FTCDNL1: variants seen among roughly 807,000 people sequenced by gnomAD.
FTCDNL1 encodes formiminotransferase N-terminal subdomain-containing protein.
Under a neutral mutation model 5.9 loss-of-function variants are expected in FTCDNL1, and 11 were observed. The ratio of observed to expected loss-of-function variants is 1.87; its 90% CI spans 1.18 to 3.10. The LOEUF (loss-of-function observed/expected upper bound fraction) is 3.10. Ranked by LOEUF, FTCDNL1 falls within the 30% of genes most tolerant of loss-of-function variation. The pLI is 0.00. For synonymous variants in FTCDNL1, 58 were observed against 24.8 expected (o/e 2.34, Z -3.99); for missense variants, 115 against 65.5 (o/e 1.76, Z -2.61).
At chr2:199,726,072 TTTTG>T in the FTCDNL1 span, among the ~76,000 whole-genome samples, 1 of 151,972 alleles carries the variant, frequency 6.6e-6, no homozygotes, top group Non-Finnish European at 1.5e-5. Flanking sequence ...TTCTCGGAGG[TTTTG>T]TTTGTTCCTT....
intron 3 of FTCDNL1, among the ~76,000 whole-genome samples, chr2:199,840,707 G>A (rs1342181378): frequency 6.6e-6 from 1 of 152,116 alleles, no homozygotes; most frequent in African/African-American, 2.4e-5. Context: ...AGGAGGTAAA[G>A]GGGGTTAGAT....
At chr2:199,827,443 T>C (rs901474107) in intron 3 of FTCDNL1, among the ~76,000 whole-genome samples, 20 of 152,114 alleles carry the variant, frequency 1.3e-4, no homozygotes, top group African/African-American at 4.8e-4. Context: ...AAAGAGATAT[T>C]TGCCTGGATT....
chr2:199,665,731 G>A, the FTCDNL1 span, among the ~76,000 whole-genome samples: 2 of 35,544 alleles, frequency 5.6e-5, no homozygotes, highest in Non-Finnish European at 1.4e-4. Flanking sequence ...AGGCCGAGGC[G>A]GGTGGATCGC....
Position 199,797,812 on chromosome 2 carries a change from G to A in FTCDNL1, c.212-36977C>T, listed in dbSNP as rs573223402. Among the ~76,000 whole-genome samples the A allele has an allele frequency of 3.9e-5, 6 of 152,318 alleles. No individual in the cohort carries two copies. The East Asian group carries it at 9.7e-4, about 25-fold the overall frequency. Reference sequence around the variant, plus strand: ...AGCTCAATTAACTGAATGAAGCCGGGAGAGAAAAGCTCCAATCTGGTAGCC... The same window carrying A: ...AGCTCAATTAACTGAATGAAGCCGGAAGAGAAAAGCTCCAATCTGGTAGCC... On this transcript the variant is annotated intron_variant, in intron 3 of 3. Transcript: ENST00000416668.
At position 199,809,724 on chromosome 2, in the gene FTCDNL1, T is replaced by C. The variant is rs1191080550; in HGVS notation, c.*2981A>G. Among the ~76,000 whole-genome samples, 1 of 152,182 alleles carries C rather than the reference T, an allele frequency of 6.6e-6. No homozygotes were observed. Among genetic ancestry groups the C allele is most frequent in the African/African-American group, 2.4e-5 (1 of 41,450 alleles). ...AATTCCAAAAGAATAAGTACTTCCTTGAAGTCATGCCCAACACCATCATGC... is the reference window on the plus strand; with the variant it reads ...AATTCCAAAAGAATAAGTACTTCCTCGAAGTCATGCCCAACACCATCATGC... On this transcript the variant is annotated 3_prime_UTR_variant, in exon 5 of 5. Coordinates refer to ENST00000420128, the MANE Select transcript of FTCDNL1 (RefSeq NM_001363886.2).
chr2:199,708,293 ATTCCTTTCCTCAC>A, the FTCDNL1 span, among the ~76,000 whole-genome samples: 3 of 152,008 alleles, frequency 2.0e-5, no homozygotes, highest in Non-Finnish European at 4.4e-5. Flanking sequence ...TATATCATCA[ATTCCTTTCCTCAC>A]CATGCATATT....
At chr2:199,777,119 C>T (rs1699129262) in intron 3 of FTCDNL1, among the ~76,000 whole-genome samples, 1 of 151,930 alleles carries the variant, frequency 6.6e-6, no homozygotes, top group East Asian at 2.0e-4. Context: ...ATGGCGAAAC[C>T]CCGTCTCCAC....
intron 3 of FTCDNL1, among the ~76,000 whole-genome samples, chr2:199,834,714 A>G (rs774724770): frequency 2.6e-4 from 39 of 152,164 alleles, no homozygotes; most frequent in Non-Finnish European, 4.6e-4. Flanking sequence ...GTGGGAAAGG[A>G]AGACGTGTAT....
intron 2 of FTCDNL1, among the ~76,000 whole-genome samples, chr2:199,846,878 C>T (rs1010862247): frequency 1.3e-5 from 2 of 152,104 alleles, no homozygotes; most frequent in Non-Finnish European, 1.5e-5. Flanking sequence ...CCCCCTTAAG[C>T]CTACAAAAGC....
chr2:199,850,299 C>T (rs555948946), intron 1 of FTCDNL1, among the ~76,000 whole-genome samples: 12 of 152,290 alleles, frequency 7.9e-5, no homozygotes, highest in African/African-American at 2.9e-4. Context: ...GGGGTGTGGG[C>T]GTCTTCTGGT....
At chr2:199,821,452 C>T (rs918719855) in intron 3 of FTCDNL1, among the ~76,000 whole-genome samples, 4 of 144,938 alleles carry the variant, frequency 2.8e-5, no homozygotes, top group African/African-American at 7.7e-5. Context: ...AAGCCACGTG[C>T]CCAGCCTGGT....
At chr2:199,746,179 T>C in the FTCDNL1 span, among the ~76,000 whole-genome samples, 3 of 152,226 alleles carry the variant, frequency 2.0e-5, no homozygotes, top group Admixed American at 1.3e-4. Flanking sequence ...CTCAAGGCTG[T>C]GGTTAATCAT....
the FTCDNL1 span, among the ~76,000 whole-genome samples, chr2:199,702,848 C>T: frequency 6.6e-6 from 1 of 152,186 alleles, no homozygotes. Flanking sequence ...AGGACGGGAG[C>T]CCTGAAAAGG....
the FTCDNL1 span, among the ~76,000 whole-genome samples, chr2:199,730,363 C>A: frequency 6.6e-6 from 1 of 152,136 alleles, no homozygotes. Flanking sequence ...AACTATAGAG[C>A]TTCTGCACAG....
At chr2:199,671,167 CAAA>C in the FTCDNL1 span, among the ~76,000 whole-genome samples, 23 of 136,074 alleles carry the variant, frequency 1.7e-4, no homozygotes, top group Admixed American at 2.2e-4. Flanking sequence ...AAATCCATGG[CAAA>C]AAAAAAAAAA....
the FTCDNL1 span, among the ~76,000 whole-genome samples, chr2:199,737,893 TA>T: frequency 1.3e-5 from 2 of 152,166 alleles, no homozygotes; most frequent in South Asian, 4.1e-4. Flanking sequence ...GCGTTTCAGT[TA>T]GAAGATATTT....
At chr2:199,775,475 G>A (rs758432132) in intron 3 of FTCDNL1, among the ~76,000 whole-genome samples, 3 of 152,140 alleles carry the variant, frequency 2.0e-5, no homozygotes, top group Admixed American at 6.5e-5. Flanking sequence ...AAGCAACTCC[G>A]TTAAGGCCAG....
intron 3 of FTCDNL1, among the ~76,000 whole-genome samples, chr2:199,769,993 A>T (rs950680430): frequency 6.6e-6 from 1 of 152,002 alleles, no homozygotes; most frequent in Admixed American, 6.6e-5. Flanking sequence ...TTTTCGTTCA[A>T]ATCTCATCCT....
intron 4 of FTCDNL1, among the ~76,000 whole-genome samples, chr2:199,817,565 T>C (rs1263501433): frequency 6.6e-6 from 1 of 152,072 alleles, no homozygotes; most frequent in Admixed American, 6.6e-5. Context: ...GGTGGGTAGA[T>C]GGCCTGAGTC....
Sources: gnomAD v4.1 joint callset for allele counts (sites outside exome capture counted in the v4.1 genomes callset) on GRCh38, gnomAD v4.1.1 for gene constraint, MANE v1.5 for transcripts, NCBI Gene and HGNC (gene_info 2026-07-23, HGNC 2026-07-21) for gene names.